Variants in TPD52 observed in about 807,000 individuals in gnomAD.
TPD52 encodes the protein prostate and colon associated protein.
A neutral mutation model predicts 31.3 loss-of-function variants in TPD52; 17 were observed. The observed-to-expected ratio is 0.54, with a 90% CI of 0.37 to 0.82. The LOEUF is 0.82. Ranked by LOEUF, TPD52 falls within the 40% of genes least tolerant of loss-of-function variation. The probability of loss-of-function intolerance (pLI) is 0.00; values close to 1 mark genes in which losing one functional copy is unlikely to be tolerated. For synonymous variants in TPD52, 83 were observed against 89.6 expected (o/e 0.93, Z 0.42); for missense variants, 212 against 240.1 (o/e 0.88, Z 0.77).
chr8:80,102,098 C>G (rs1806785437), intron 1 of TPD52, among the ~76,000 whole-genome samples: 2 of 152,226 alleles, frequency 1.3e-5, no homozygotes, highest in Admixed American at 6.5e-5. Flanking sequence ...AAACAAATTA[C>G]TCCAAAACTC....
At chr8:80,166,229 C>T (rs12549167) in intron 1 of TPD52, among the ~76,000 whole-genome samples, 60,545 of 151,962 alleles carry the variant, frequency 0.4, 12,283 homozygotes, top group East Asian at 0.68. Context: ...AGGAGAATCA[C>T]TCGAACCCAG....
intron 1 of TPD52, among the ~76,000 whole-genome samples, chr8:80,100,649 T>C (rs989129103): frequency 2.6e-5 from 4 of 152,194 alleles, no homozygotes; most frequent in Admixed American, 6.5e-5. Flanking sequence ...CTCACAATTA[T>C]GGAGGCTAAG....
chr8:80,084,759 C>T (rs1815603193), intron 1 of TPD52, among the ~76,000 whole-genome samples: 1 of 152,166 alleles, frequency 6.6e-6, no homozygotes, highest in Non-Finnish European at 1.5e-5. Context: ...GTTTGTTGAA[C>T]ACATCCTAAA....
At chr8:80,072,067 T>C (rs535387974) in intron 1 of TPD52, among the ~76,000 whole-genome samples, 1 of 149,768 alleles carries the variant, frequency 6.7e-6, no homozygotes, top group Non-Finnish European at 1.5e-5. Flanking sequence ...TCCCAGCACT[T>C]TGGGAGACCC....
At chr8:80,152,873 G>A (rs2131207281) in intron 1 of TPD52, among the ~76,000 whole-genome samples, 1 of 151,952 alleles carries the variant, frequency 6.6e-6, no homozygotes, top group South Asian at 2.1e-4. Context: ...AGCCTATGTG[G>A]CAAGTAAATG....
rs1024573603 is a variant in TPD52, at chr8:80,160,338, T to C, written c.19+11087A>G. 2.6e-5 allele frequency among the ~76,000 whole-genome samples: 4 copies of C among 152,142 alleles called. No individual in the cohort carries two copies. The East Asian group carries it at 7.7e-4, about 29-fold the overall frequency. ...ATCATTCAGATTATGTTTCCTCATATATAAAATGAAAATGTACCAGTCCTA... is the reference window on the plus strand; with the variant it reads ...ATCATTCAGATTATGTTTCCTCATACATAAAATGAAAATGTACCAGTCCTA... On this transcript the variant is annotated intron_variant, in intron 1 of 7. Coordinates refer to ENST00000518937, the MANE Select transcript of TPD52 (RefSeq NM_001025253.3).
intron 1 of TPD52, among the ~76,000 whole-genome samples, chr8:80,081,870 C>G (rs1815327283): frequency 6.6e-6 from 1 of 152,224 alleles, no homozygotes; most frequent in Non-Finnish European, 1.5e-5. Flanking sequence ...ATGGCACAAT[C>G]TCAGCTCACT....
At chr8:80,063,387 G>C (rs1812759970) in intron 2 of TPD52, among the ~76,000 whole-genome samples, 2 of 152,230 alleles carry the variant, frequency 1.3e-5, no homozygotes, top group African/African-American at 2.4e-5. Context: ...ATTGCCAGGG[G>C]CTGAAGGAGG....
At chr8:80,111,042 A>T (rs4537344) in intron 1 of TPD52, among the ~76,000 whole-genome samples, 67,514 of 151,834 alleles carry the variant, frequency 0.44, 15,486 homozygotes, top group East Asian at 0.79. Flanking sequence ...CTTGTCTCTA[A>T]GAAAAATAAA....
intron 1 of TPD52, among the ~76,000 whole-genome samples, chr8:80,096,856 C>T (rs932882380): frequency 3.3e-5 from 5 of 152,152 alleles, no homozygotes; most frequent in South Asian, 2.1e-4. Flanking sequence ...AATGTCCCTA[C>T]GATGGCCTCT....
At chr8:80,083,743 C>T (rs1256106816) in intron 1 of TPD52, among the ~76,000 whole-genome samples, 1 of 152,142 alleles carries the variant, frequency 6.6e-6, no homozygotes, top group African/African-American at 2.4e-5. Flanking sequence ...ACTAGTACAC[C>T]TTGGTATCGG....
chr8:80,072,738 T>C lies in TPD52; in HGVS notation c.20-8145A>G, dbSNP rs112989733. ...ATACGCACACATATATACATATATA[T>C]ACACACACATATATACATATATACA... On this transcript the variant is annotated intron_variant, in intron 1 of 7. Transcript: ENST00000518937. Among the ~76,000 whole-genome samples, 22 of 143,190 alleles carry C rather than the reference T, an allele frequency of 1.5e-4. 3 individuals carry two copies. Among genetic ancestry groups the C allele is most frequent in the African/African-American group, 6.6e-4 (22 of 33,240 alleles). 93.9% of individuals were successfully genotyped at this position (143,190 alleles called of 152,430 possible). A position where few individuals can be genotyped will look rare whatever the true frequency, so the allele number is the denominator to read the frequency against.
At chr8:80,040,489 C>T (rs1334708729) in intron 7 of TPD52, among the ~76,000 whole-genome samples, 2 of 152,044 alleles carry the variant, frequency 1.3e-5, no homozygotes, top group African/African-American at 4.8e-5. Context: ...TGCGCCCAGC[C>T]AACATATTGT....
chr8:80,102,421 T>A (rs1245300579), intron 1 of TPD52, among the ~76,000 whole-genome samples: 1 of 152,164 alleles, frequency 6.6e-6, no homozygotes, highest in Non-Finnish European at 1.5e-5. Context: ...CTGTCCTTTA[T>A]CTTAGAAGTG....
chr8:80,133,250 G>A (rs1809152402), intron 1 of TPD52, among the ~76,000 whole-genome samples: 1 of 151,726 alleles, frequency 6.6e-6, no homozygotes, highest in Non-Finnish European at 1.5e-5. Flanking sequence ...AATAATTATC[G>A]GCCCCTCTTC....
chr8:80,077,328 T>C (rs1814694494), intron 1 of TPD52, among the ~76,000 whole-genome samples: 1 of 151,394 alleles, frequency 6.6e-6, no homozygotes, highest in East Asian at 1.9e-4. Flanking sequence ...GTAAATAACA[T>C]TTGGGATATT....
At chr8:80,162,193 T>C (rs1339212041) in intron 1 of TPD52, among the ~76,000 whole-genome samples, 1 of 152,064 alleles carries the variant, frequency 6.6e-6, no homozygotes, top group Non-Finnish European at 1.5e-5. Context: ...AAGGAAGTAC[T>C]GAAAGCCACA....
chr8:80,166,250 T>C (rs1472812285), intron 1 of TPD52, among the ~76,000 whole-genome samples: 1 of 151,558 alleles, frequency 6.6e-6, no homozygotes, highest in African/African-American at 2.4e-5. Flanking sequence ...GAGGTGGAGG[T>C]TGCAGTGAGC....
chr8:80,107,854 A>G, intron 1 of TPD52, among the ~76,000 whole-genome samples: 1 of 152,210 alleles, frequency 6.6e-6, no homozygotes, highest in East Asian at 1.9e-4. Context: ...AGAATTCTCA[A>G]GTTTTTCCTG....
Sources: gnomAD v4.1 joint callset for allele counts (sites outside exome capture counted in the v4.1 genomes callset) on GRCh38, gnomAD v4.1.1 for gene constraint, MANE v1.5 for transcripts, NCBI Gene and HGNC (gene_info 2026-07-23, HGNC 2026-07-21) for gene names.